NCOA1: variants seen among roughly 807,000 people sequenced by gnomAD.
NCOA1 encodes Hin-2 protein.
A neutral mutation model predicts 150.9 loss-of-function variants in NCOA1; 35 were observed. That is an observed-to-expected ratio of 0.23 (90% confidence interval 0.18 to 0.31). The LOEUF (loss-of-function observed/expected upper bound fraction) is 0.31. NCOA1 is among the 10% of genes least tolerant of loss of function. The probability of loss-of-function intolerance (pLI) is 1.00; values close to 1 mark genes in which losing one functional copy is unlikely to be tolerated. For synonymous variants in NCOA1, 590 were observed against 630.0 expected (o/e 0.94, Z 0.95); for missense variants, 1,491 against 1,749.3 (o/e 0.85, Z 2.63).
At chr2:24,757,870 G>A in intron 20 of NCOA1, 103 bp from the exon 21 acceptor site, 4 of 1,028,090 alleles carry the variant, frequency 3.9e-6, no homozygotes, top group Non-Finnish European at 5.7e-6. Context: ...AGTCATACAT[G>A]CAATTTAAGG....
chr2:24,591,900 TA>T (rs935847725), intron 3 of NCOA1, among the ~76,000 whole-genome samples: 2 of 151,984 alleles, frequency 1.3e-5, no homozygotes, highest in Non-Finnish European at 2.9e-5. Flanking sequence ...CTTTAAAAAT[TA>T]AAAAAAAGTT....
chr2:24,611,144 C>T (rs1668604256), intron 3 of NCOA1, among the ~76,000 whole-genome samples: 1 of 152,120 alleles, frequency 6.6e-6, no homozygotes, highest in Non-Finnish European at 1.5e-5. Context: ...TCTATTGTTG[C>T]CATCTTTATG....
chr2:24,668,620 A>C (rs1238718504), intron 6 of NCOA1, among the ~76,000 whole-genome samples: 1 of 152,176 alleles, frequency 6.6e-6, no homozygotes, highest in African/African-American at 2.4e-5. Context: ...AGAAATCTCT[A>C]TCCAATCCAA....
At chr2:24,560,723 C>T (rs999537582) in intron 1 of NCOA1, among the ~76,000 whole-genome samples, 2 of 152,122 alleles carry the variant, frequency 1.3e-5, no homozygotes, top group Non-Finnish European at 2.9e-5. Flanking sequence ...CATTGAAACC[C>T]TCAGTGAGAT....
chr2:24,505,108 CCT>C (rs891932425), intron 1 of NCOA1, among the ~76,000 whole-genome samples: 2 of 151,986 alleles, frequency 1.3e-5, no homozygotes, highest in Non-Finnish European at 2.9e-5. Flanking sequence ...TTGTTTTTTC[CCT>C]GTTTTATTCC....
intron 3 of NCOA1, 83 bp downstream of exon 3, chr2:24,584,643 TG>T (rs1667326155): frequency 6.6e-6 from 1 of 152,230 alleles, no homozygotes; most frequent in Non-Finnish European, 1.5e-5. Flanking sequence ...AGGCAACAGT[TG>T]GGCACTGGGA....
In NCOA1 at chr2:24,506,600, GAC is replaced by G. The variant is rs1055560467; in HGVS notation, c.-396+15000_-396+15001del. Among the ~76,000 whole-genome samples, 89 of 152,202 alleles carry G rather than the reference GAC, an allele frequency of 5.8e-4. 1 individual carries two copies. Among genetic ancestry groups the G allele is most frequent in the African/African-American group, 2.0e-3 (84 of 41,520 alleles). On this transcript the variant is annotated intron_variant, in intron 1 of 22. Coordinates refer to ENST00000348332, the MANE Select transcript of NCOA1 (RefSeq NM_003743.5). ...GAGAGGTGGGTTGGCAGCCTACTTA[GAC>G]ATCTTTAGTGGTTAGGTTCCTTAAT... is the stretch of plus-strand genomic sequence containing the variant.
intron 13 of NCOA1, among the ~76,000 whole-genome samples, chr2:24,708,244 TG>T (rs1447567793): frequency 2.0e-5 from 3 of 152,208 alleles, no homozygotes; most frequent in African/African-American, 7.2e-5. Context: ...AACCTAAGTC[TG>T]GGAACCCCTG....
rs751056149 is a variant in NCOA1 at position 24,729,503 on chromosome 2, G to T, written c.2889G>T (p.Gly963=). Reference sequence around the variant, plus strand: ...TATTCTGGCTTCTTTTCTAACAGGGGGGTGGATTAGATGTATTATCAGAGA... The same window carrying T: ...TATTCTGGCTTCTTTTCTAACAGGGTGGTGGATTAGATGTATTATCAGAGA... The part of the protein sequence containing the change: ...RALGIDKLVQ[G]GGLDVLSERF... Residue 963 remains glycine (G), a splice_region_variant and synonymous_variant, in exon 17 of 23, where the codon GGG becomes GGT. Transcript: ENST00000348332. 4.3e-6 allele frequency: 7 copies of T among 1,610,754 alleles called. No homozygotes were observed. The highest frequency in any genetic ancestry group is 1.7e-6 in the Non-Finnish European group (2 of 1,177,228).
chr2:24,497,289 C>G (rs1031140764), intron 1 of NCOA1, among the ~76,000 whole-genome samples: 8 of 151,448 alleles, frequency 5.3e-5, no homozygotes, highest in African/African-American at 1.9e-4. Flanking sequence ...CTTTCTTTCT[C>G]TTGAATACCT....
intron 1 of NCOA1, among the ~76,000 whole-genome samples, chr2:24,520,193 T>A (rs1199887556): frequency 6.6e-6 from 1 of 152,228 alleles, no homozygotes; most frequent in Non-Finnish European, 1.5e-5. Context: ...CTTGACAATT[T>A]TTTTTTAAAG....
chr2:24,695,194 T>C (rs1274440430), intron 10 of NCOA1, among the ~76,000 whole-genome samples: 1 of 152,180 alleles, frequency 6.6e-6, no homozygotes, highest in Admixed American at 6.5e-5. Flanking sequence ...GTTAAAATTT[T>C]AGATATACCT....
intron 3 of NCOA1, among the ~76,000 whole-genome samples, chr2:24,584,970 A>AATG (rs1262324062): frequency 6.6e-6 from 1 of 152,198 alleles, no homozygotes; most frequent in East Asian, 1.9e-4. Flanking sequence ...CTTTTCCTGT[A>AATG]ATGCAGCTGT....
intron 3 of NCOA1, among the ~76,000 whole-genome samples, chr2:24,631,028 T>G (rs1402308978): frequency 6.6e-6 from 1 of 152,196 alleles, no homozygotes; most frequent in Non-Finnish European, 1.5e-5. Flanking sequence ...TGTGTCATCA[T>G]TGATAAGAAA....
chr2:24,586,288 A>T (rs1199556751), intron 3 of NCOA1, among the ~76,000 whole-genome samples: 1 of 150,820 alleles, frequency 6.6e-6, no homozygotes, highest in Non-Finnish European at 1.5e-5. Flanking sequence ...AAAAAAAAAA[A>T]AAAAAAAAAA....
At chr2:24,498,496 A>G (rs2148068278) in intron 1 of NCOA1, among the ~76,000 whole-genome samples, 1 of 152,338 alleles carries the variant, frequency 6.6e-6, no homozygotes, top group Middle Eastern at 3.4e-3. Context: ...TTGTATTTTC[A>G]TTTGAGAAAA....
chr2:24,660,308 A>G (rs1395815020), intron 5 of NCOA1, among the ~76,000 whole-genome samples: 2 of 152,142 alleles, frequency 1.3e-5, no homozygotes, highest in African/African-American at 2.4e-5. Context: ...CGAAGACACT[A>G]TATCATACAA....
At chr2:24,696,079 G>T (rs900392473) in intron 10 of NCOA1, among the ~76,000 whole-genome samples, 6 of 152,102 alleles carry the variant, frequency 3.9e-5, no homozygotes, top group African/African-American at 9.7e-5. Flanking sequence ...CAGTTACAGT[G>T]TTCACCAGGC....
At chr2:24,747,468 T>C (rs1483031526) in intron 19 of NCOA1, among the ~76,000 whole-genome samples, 2 of 151,460 alleles carry the variant, frequency 1.3e-5, no homozygotes, top group East Asian at 1.9e-4. Context: ...TAGCTAGAAC[T>C]ACAGGCATGT....
Sources: gnomAD v4.1 joint callset for allele counts (sites outside exome capture counted in the v4.1 genomes callset) on GRCh38, gnomAD v4.1.1 for gene constraint, MANE v1.5 for transcripts, NCBI Gene and HGNC (gene_info 2026-07-23, HGNC 2026-07-21) for gene names.